Variants in SGCD observed in about 807,000 individuals in gnomAD.
The protein encoded by SGCD is delta-sarcoglycan.
SGCD carries 18 observed loss-of-function variants against 36.6 expected under a neutral mutation model. That is an observed-to-expected ratio of 0.49 (90% CI 0.34 to 0.73). The LOEUF (loss-of-function observed/expected upper bound fraction) is 0.73. Ranked by LOEUF, SGCD falls within the 30% of genes least tolerant of loss-of-function variation. SGCD has a pLI of 0.01. For synonymous variants in SGCD, 133 were observed against 130.6 expected, an observed-to-expected ratio of 1.02 and a Z score of -0.12; for missense variants, 387 against 346.7, an observed-to-expected ratio of 1.12 and a Z score of -0.92.
At chr5:156,223,764 T>C (rs1561572575) in intron 3 of SGCD, among the ~76,000 whole-genome samples, 1 of 152,074 alleles carries the variant, frequency 6.6e-6, no homozygotes, top group Non-Finnish European at 1.5e-5. Context: ...GTGGCATTGC[T>C]GGCTTTGTGG....
At chr5:156,383,567 G>C (rs759134106) in intron 3 of SGCD, among the ~76,000 whole-genome samples, 2 of 152,010 alleles carry the variant, frequency 1.3e-5, no homozygotes, top group Non-Finnish European at 2.9e-5. Context: ...AGGAGTCCTG[G>C]GGCTGCTCTG....
At chr5:155,973,587 A>C (rs1391536257) in intron 1 of SGCD, among the ~76,000 whole-genome samples, 1 of 152,192 alleles carries the variant, frequency 6.6e-6, no homozygotes, top group East Asian at 1.9e-4. Flanking sequence ...GTGTTTGGCC[A>C]TTTACCTAAG....
the SGCD span, among the ~76,000 whole-genome samples, chr5:155,728,172 G>A: frequency 1.3e-5 from 2 of 152,094 alleles, no homozygotes; most frequent in African/African-American, 2.4e-5. Context: ...GCCTCTCCCC[G>A]CCGCCCCCAC....
At chr5:156,492,869 C>G (rs986696222) in intron 3 of SGCD, among the ~76,000 whole-genome samples, 1 of 152,078 alleles carries the variant, frequency 6.6e-6, no homozygotes, top group Non-Finnish European at 1.5e-5. Context: ...CAGCTTCATC[C>G]GTGTCCCTGG....
chr5:155,937,811 G>A (rs1328119628), intron 1 of SGCD, among the ~76,000 whole-genome samples: 1 of 152,204 alleles, frequency 6.6e-6, no homozygotes, highest in African/African-American at 2.4e-5. Flanking sequence ...ATTGTAAATA[G>A]ATCCAATCCT....
intron 1 of SGCD, among the ~76,000 whole-genome samples, chr5:156,031,800 A>G (rs996818158): frequency 6.6e-6 from 1 of 152,206 alleles, no homozygotes; most frequent in African/African-American, 2.4e-5. Context: ...GCCAGGCCAC[A>G]CAGTAACCAA....
chr5:156,454,166 C>G (rs573597008), intron 3 of SGCD, among the ~76,000 whole-genome samples: 1 of 152,250 alleles, frequency 6.6e-6, no homozygotes, highest in African/African-American at 2.4e-5. Context: ...GAAAGGACTG[C>G]ACTCAAAATG....
chr5:156,504,821 T>C (rs1756624268), intron 3 of SGCD, among the ~76,000 whole-genome samples: 1 of 152,216 alleles, frequency 6.6e-6, no homozygotes, highest in Admixed American at 6.5e-5. Flanking sequence ...ATGTAAGTAG[T>C]GTAAGAAAAG....
At chr5:156,315,428 G>T (rs1561615387) in intron 3 of SGCD, among the ~76,000 whole-genome samples, 1 of 151,884 alleles carries the variant, frequency 6.6e-6, no homozygotes, top group Non-Finnish European at 1.5e-5. Flanking sequence ...TGTACTGTGT[G>T]TATCAATCAC....
chr5:156,639,033 T>C (rs1011271297), intron 6 of SGCD, among the ~76,000 whole-genome samples: 2 of 151,396 alleles, frequency 1.3e-5, no homozygotes, highest in Non-Finnish European at 2.9e-5. Flanking sequence ...TTCATCACTA[T>C]CTTTTATCAT....
At chr5:155,881,229 C>G (rs546031066) in intron 1 of SGCD, among the ~76,000 whole-genome samples, 47 of 151,602 alleles carry the variant, frequency 3.1e-4, no homozygotes, top group Non-Finnish European at 6.5e-4. Context: ...AAGGATTAAT[C>G]AGAAAACCAC....
chr5:156,139,281 TC>T (rs1158438127), intron 3 of SGCD, among the ~76,000 whole-genome samples: 2 of 152,220 alleles, frequency 1.3e-5, no homozygotes, highest in Non-Finnish European at 2.9e-5. Flanking sequence ...TCTCCTGTTT[TC>T]TGCTGGAAAT....
chr5:156,179,945 G>T (rs10475679), intron 3 of SGCD, among the ~76,000 whole-genome samples: 44,657 of 151,976 alleles, frequency 0.29, 7,016 homozygotes, highest in East Asian at 0.57. Context: ...TTATGATACT[G>T]CAGTTGGTGA....
At chr5:155,995,834 G>A (rs1758529873) in intron 1 of SGCD, among the ~76,000 whole-genome samples, 2 of 151,984 alleles carry the variant, frequency 1.3e-5, no homozygotes, top group African/African-American at 4.8e-5. Flanking sequence ...CCCCGAGTGA[G>A]GAAAAAGTTG....
chr5:156,055,424 G>C (rs911103069), intron 1 of SGCD, among the ~76,000 whole-genome samples: 1 of 145,948 alleles, frequency 6.9e-6, no homozygotes, highest in African/African-American at 2.5e-5. Flanking sequence ...TCCTCTTCCA[G>C]TTAATGCTCC....
intron 7 of SGCD, among the ~76,000 whole-genome samples, chr5:156,683,815 G>A (rs375054091): frequency 1.5e-4 from 23 of 152,238 alleles, no homozygotes; most frequent in African/African-American, 5.3e-4. Context: ...CATCTCATAA[G>A]GCCTCTATGA....
upstream of SGCD, chr5:156,326,863 T>TA: frequency 6.6e-6 from 1 of 152,426 alleles, no homozygotes; most frequent in East Asian, 1.9e-4. Context: ...TGGTTGTGAG[T>TA]ATGAGCCCGG....
At chr5:156,105,546 TGTA>T (rs1289862600) in intron 1 of SGCD, among the ~76,000 whole-genome samples, 1 of 152,222 alleles carries the variant, frequency 6.6e-6, no homozygotes, top group Non-Finnish European at 1.5e-5. Context: ...GCAATTAAAT[TGTA>T]GGTTTTCCTC....
At chr5:156,527,695 T>C (rs1444844011) in intron 4 of SGCD, among the ~76,000 whole-genome samples, 1 of 152,220 alleles carries the variant, frequency 6.6e-6, no homozygotes, top group African/African-American at 2.4e-5. Context: ...TCATGAAATA[T>C]TTTTAAGCCT....
Sources: gnomAD v4.1 joint callset for allele counts (sites outside exome capture counted in the v4.1 genomes callset) on GRCh38, gnomAD v4.1.1 for gene constraint, MANE v1.5 for transcripts, NCBI Gene and HGNC (gene_info 2026-07-23, HGNC 2026-07-21) for gene names.